Variants in EML4 observed in about 807,000 individuals in gnomAD.
EML4 encodes echinoderm microtubule-associated protein-like 4.
In EML4, 72 loss-of-function variants were observed where a neutral mutation model predicts 129.0. The observed-to-expected ratio is 0.56, with a 90% CI of 0.46 to 0.68. EML4 has a LOEUF of 0.68. Ranked by LOEUF, EML4 falls within the 30% of genes least tolerant of loss-of-function variation. EML4 has a pLI of 0.00. For synonymous variants in EML4, 532 were observed against 405.0 expected (o/e 1.31, Z -3.77); for missense variants, 1,363 against 1,190.6 (o/e 1.14, Z -2.13).
At chr2:42,251,741 C>G (rs1040406318) in intron 2 of EML4, among the ~76,000 whole-genome samples, 3 of 152,204 alleles carry the variant, frequency 2.0e-5, no homozygotes, top group African/African-American at 7.2e-5. Context: ...TTTGGGATAT[C>G]AACTAGACTA....
chr2:42,253,242 C>T lies in EML4; in HGVS notation c.209-3259C>T, dbSNP rs973507349. 2.0e-5 allele frequency among the ~76,000 whole-genome samples: 3 copies of T among 152,132 alleles called. No homozygotes were observed. The East Asian group carries it at 5.8e-4, about 29-fold the overall frequency. On this transcript the variant is annotated intron_variant, in intron 2 of 22. Transcript: ENST00000318522. ...GGGCCCATAGTGGAAGGTTTTCTTA[C>T]ACCTTGTTAAGGAATTTAGTTTTCA...
At chr2:42,209,716 G>C (rs1672769977) in intron 1 of EML4, among the ~76,000 whole-genome samples, 1 of 152,140 alleles carries the variant, frequency 6.6e-6, no homozygotes, top group African/African-American at 2.4e-5. Flanking sequence ...GATCACCTGA[G>C]GTCAGGAGTT....
At chr2:42,238,188 A>G (rs1159831207) in intron 1 of EML4, among the ~76,000 whole-genome samples, 1 of 152,228 alleles carries the variant, frequency 6.6e-6, no homozygotes, top group Non-Finnish European at 1.5e-5. Context: ...ATATGCAGAT[A>G]TTCCAAAATC....
intron 8 of EML4, among the ~76,000 whole-genome samples, chr2:42,284,053 G>C (rs978430009): frequency 6.6e-6 from 1 of 152,152 alleles, no homozygotes; most frequent in African/African-American, 2.4e-5. Context: ...CATATGCTAC[G>C]CTACTTCCCA....
intron 1 of EML4, among the ~76,000 whole-genome samples, chr2:42,200,383 A>G (rs1572530149): frequency 6.6e-6 from 1 of 152,130 alleles, no homozygotes; most frequent in South Asian, 2.1e-4. Context: ...ATTTCAACAA[A>G]AATTATGGCC....
At chr2:42,183,116 C>T (rs772833073) in intron 1 of EML4, among the ~76,000 whole-genome samples, 5 of 152,154 alleles carry the variant, frequency 3.3e-5, no homozygotes, top group Admixed American at 6.5e-5. Context: ...GATCGCACCA[C>T]TGAGCTCCAA....
At chr2:42,253,066 G>C (rs929527711) in intron 2 of EML4, among the ~76,000 whole-genome samples, 4 of 152,138 alleles carry the variant, frequency 2.6e-5, no homozygotes, top group Non-Finnish European at 5.9e-5. Flanking sequence ...TTACAGTTTA[G>C]GCAAGCAGAG....
intron 2 of EML4, among the ~76,000 whole-genome samples, chr2:42,246,647 C>G (rs913706274): frequency 6.6e-6 from 1 of 152,110 alleles, no homozygotes; most frequent in African/African-American, 2.4e-5. Context: ...ACATATGGAT[C>G]TAGTGCTCAT....
intron 17 of EML4, among the ~76,000 whole-genome samples, chr2:42,306,879 C>T (rs1021248375): frequency 5.9e-5 from 9 of 152,042 alleles, no homozygotes; most frequent in Non-Finnish European, 1.2e-4. Flanking sequence ...GACAGGAAAC[C>T]AAGACCCATA....
chr2:42,274,441 T>C (rs1327770215), intron 6 of EML4, among the ~76,000 whole-genome samples: 1 of 152,190 alleles, frequency 6.6e-6, no homozygotes, highest in Non-Finnish European at 1.5e-5. Flanking sequence ...AGGCTTTTTT[T>C]TTCTTTTTAA....
chr2:42,197,750 A>G (rs1029444409), intron 1 of EML4, among the ~76,000 whole-genome samples: 3 of 152,258 alleles, frequency 2.0e-5, no homozygotes, highest in African/African-American at 7.2e-5. Context: ...AAAATAGTGA[A>G]TAAATGTCAG....
chr2:42,280,782 A>T, intron 6 of EML4, 68 bp from the exon 7 acceptor site: 1 of 1,237,358 alleles, frequency 8.1e-7, no homozygotes, highest in Non-Finnish European at 1.1e-6. Context: ...GTATCACGTT[A>T]ATAATCCACT....
intron 2 of EML4, among the ~76,000 whole-genome samples, chr2:42,247,714 C>G (rs1186784034): frequency 2.0e-5 from 3 of 151,844 alleles, no homozygotes; most frequent in South Asian, 2.1e-4. Flanking sequence ...TGAGGACCGC[C>G]AAGATCAAGC....
At position 42,331,347 on chromosome 2, in the gene EML4, G is replaced by C. The variant is rs1027821787; in HGVS notation, c.*1140G>C. 2 of 224,206 alleles carry C rather than the reference G, an allele frequency of 8.9e-6. No homozygotes were observed. Among genetic ancestry groups the C allele is most frequent in the Admixed American group, 1.1e-4 (2 of 17,490 alleles). 13.9% of individuals were successfully genotyped at this position (224,206 alleles called of 1,614,324 possible). A position where few individuals can be genotyped will look rare whatever the true frequency, so the allele number is the denominator to read the frequency against. The stretch of plus-strand genomic sequence containing the variant: ...TTCTGGTGGAGTTGCTGTAAGTCTT[G>C]TAAGTCTAATGTGGCTATCCTACTC... On this transcript the variant is annotated 3_prime_UTR_variant, in exon 23 of 23. Coordinates refer to ENST00000318522, the MANE Select transcript of EML4 (RefSeq NM_019063.5).
chr2:42,303,217 A>G lies in EML4; in HGVS notation c.1755A>G (p.Gln585=). Residue 585 remains glutamine (Q), a synonymous_variant, in exon 15 of 23, where the codon CAA becomes CAG. Transcript: ENST00000318522. ...GAGGAACATTTAATGATGGCTTCCA[A>G]ATAGAAGTACAGGTAAGCTGTGTGA... ...ILRGTFNDGF[Q]IEVQGHTDEL... The G allele has an allele frequency of 2.5e-6, 4 of 1,614,194 alleles. No individual in the cohort carries two copies. The highest frequency in any genetic ancestry group is 1.3e-5 in the African/African-American group (1 of 75,060).
chr2:42,247,690 TAG>T (rs1280439828), intron 2 of EML4, among the ~76,000 whole-genome samples: 1 of 152,122 alleles, frequency 6.6e-6, no homozygotes, highest in African/African-American at 2.4e-5. Flanking sequence ...TTTATTTATT[TAG>T]AGAGTCAACT....
intron 14 of EML4, among the ~76,000 whole-genome samples, chr2:42,302,684 C>T (rs890823783): frequency 2.0e-5 from 3 of 152,048 alleles, no homozygotes; most frequent in African/African-American, 7.2e-5. Flanking sequence ...TAGGCGCCCG[C>T]CACCGCACCT....
intron 1 of EML4, among the ~76,000 whole-genome samples, chr2:42,242,080 A>T (rs1392606288): frequency 6.6e-6 from 1 of 152,186 alleles, no homozygotes; most frequent in Non-Finnish European, 1.5e-5. Context: ...ATTTTTTAAA[A>T]AATCAAAGTT....
At chr2:42,264,461 A>G (rs1205064908) in intron 5 of EML4, among the ~76,000 whole-genome samples, 2 of 152,192 alleles carry the variant, frequency 1.3e-5, no homozygotes, top group African/African-American at 2.4e-5. Flanking sequence ...AGTATTTTTC[A>G]TAAGTTATTT....
Sources: gnomAD v4.1 joint callset for allele counts (sites outside exome capture counted in the v4.1 genomes callset) on GRCh38, gnomAD v4.1.1 for gene constraint, MANE v1.5 for transcripts, NCBI Gene and HGNC (gene_info 2026-07-23, HGNC 2026-07-21) for gene names.